OR7C1: variants seen among roughly 807,000 people sequenced by gnomAD.
The protein encoded by OR7C1 is olfactory receptor 7C1.
For synonymous variants in OR7C1, 152 were observed against 160.7 expected (o/e 0.95, Z 0.41); for missense variants, 324 against 383.3 (o/e 0.85, Z 1.29).
rs1481445102 is a variant in OR7C1, at chr19:14,827,778, T to G, written c.-623+7296A>C. On this transcript the variant is annotated intron_variant, in intron 1 of 4. Transcript: ENST00000641666. ...TACCATTAAGATTTGTAGCAAGGAA[T>G]ACAGAGCACTCATGGTCCAGGATGC... 1.2e-6 allele frequency: 2 copies of G among 1,614,118 alleles called. No individual in the cohort carries two copies. Among genetic ancestry groups the G allele is most frequent in the Admixed American group, 3.3e-5 (2 of 60,020 alleles).
intron 2 of OR7C1, among the ~76,000 whole-genome samples, chr19:14,809,046 T>C (rs2044678833): frequency 6.6e-6 from 1 of 152,044 alleles, no homozygotes; most frequent in Non-Finnish European, 1.5e-5. Flanking sequence ...TGGAACATGT[T>C]ATGTAAATGA....
At chr19:14,799,841 C>G in exon 5 of OR7C1, 2 of 1,614,006 alleles carry the variant, frequency 1.2e-6, no homozygotes, top group Admixed American at 1.7e-5. Flanking sequence ...AAAAATCTGA[C>G]TGAGACAGCC....
chr19:14,801,387 A>G (rs1467975492), intron 2 of OR7C1, among the ~76,000 whole-genome samples: 1 of 152,234 alleles, frequency 6.6e-6, no homozygotes, highest in Admixed American at 6.5e-5. Flanking sequence ...ATCATATGTT[A>G]CATTATTTTA....
intron 1 of OR7C1, among the ~76,000 whole-genome samples, chr19:14,822,335 C>T (rs11668969): frequency 0.27 from 39,774 of 148,450 alleles, 5,711 homozygotes; most frequent in East Asian, 0.55. Flanking sequence ...TACATGGGCT[C>T]CCTTTTCTCC....
intron 1 of OR7C1, among the ~76,000 whole-genome samples, chr19:14,816,483 C>T (rs1040748437): frequency 2.6e-5 from 4 of 152,170 alleles, no homozygotes; most frequent in African/African-American, 9.7e-5. Flanking sequence ...CGTCTTTCTC[C>T]CATGGTGAAT....
intron 1 of OR7C1, among the ~76,000 whole-genome samples, chr19:14,812,677 G>A (rs1201978123): frequency 1.3e-5 from 2 of 151,768 alleles, no homozygotes; most frequent in African/African-American, 2.4e-5. Context: ...TCACTATCTC[G>A]GTGTCTGAGG....
rs188048399 is a variant in OR7C1 at position 14,823,344 on chromosome 19, C to T, written c.-623+11730G>A. Among the ~76,000 whole-genome samples the T allele has an allele frequency of 3.9e-5, 6 of 151,988 alleles. No individual in the cohort carries two copies. The South Asian group carries it at 8.3e-4, about 21-fold the overall frequency. On this transcript the variant is annotated intron_variant, in intron 1 of 4. Transcript: ENST00000641666. ...GCATGTGCCTGTAATCCCAGCTACT[C>T]GGGAGGCTGAGGCAAAAGGATTGCT...
At chr19:14,802,530 A>C (rs1437744453) in intron 2 of OR7C1, among the ~76,000 whole-genome samples, 2 of 152,208 alleles carry the variant, frequency 1.3e-5, no homozygotes, top group Non-Finnish European at 2.9e-5. Context: ...CCAAATAATA[A>C]TTAAAGAAAG....
chr19:14,813,147 T>TA (rs1221111524), intron 1 of OR7C1, among the ~76,000 whole-genome samples: 1 of 150,746 alleles, frequency 6.6e-6, no homozygotes, highest in Non-Finnish European at 1.5e-5. Flanking sequence ...CAAACCAATA[T>TA]ACCATATGAA....
At chr19:14,803,911 G>A (rs1273831341) in intron 2 of OR7C1, among the ~76,000 whole-genome samples, 5 of 151,838 alleles carry the variant, frequency 3.3e-5, no homozygotes, top group East Asian at 1.9e-4. Flanking sequence ...GGGTTTCACC[G>A]TGTTAGCCAT....
In OR7C1 at chr19:14,818,971, A is replaced by G. The variant is rs1599919956; in HGVS notation, c.-622-8978T>C. Among the ~76,000 whole-genome samples the G allele has an allele frequency of 1.3e-5, 2 of 152,164 alleles. 1 individual carries two copies. Among genetic ancestry groups the G allele is most frequent in the African/African-American group, 4.8e-5 (2 of 41,496 alleles). ...TGTGCACAACACGCAGGTTGGTTAC[A>G]TATGTACACATGTGCCATGTTGGCG... is the stretch of plus-strand genomic sequence containing the variant. On this transcript the variant is annotated intron_variant, in intron 1 of 4. Transcript: ENST00000641666.
At chr19:14,832,971 T>G (rs544935158) in intron 1 of OR7C1, among the ~76,000 whole-genome samples, 1 of 152,346 alleles carries the variant, frequency 6.6e-6, no homozygotes, top group South Asian at 2.1e-4. Context: ...TAAAAAACTC[T>G]TGCACAGAGC....
At chr19:14,821,005 G>A (rs181058558) in intron 1 of OR7C1, among the ~76,000 whole-genome samples, 32 of 152,278 alleles carry the variant, frequency 2.1e-4, no homozygotes, top group African/African-American at 7.0e-4. Flanking sequence ...TGTAATCCCA[G>A]CACTTTGGGA....
intron 2 of OR7C1, among the ~76,000 whole-genome samples, chr19:14,803,878 T>G (rs1430027782): frequency 5.3e-5 from 8 of 151,796 alleles, no homozygotes; most frequent in Admixed American, 2.6e-4. Context: ...CCCAGCTAAT[T>G]TTTTGTATTT....
intron 2 of OR7C1, among the ~76,000 whole-genome samples, chr19:14,804,733 G>A (rs967561619): frequency 1.3e-5 from 2 of 151,970 alleles, no homozygotes; most frequent in African/African-American, 4.9e-5. Context: ...ACTGTAATGT[G>A]TAAGTGGTTT....
At chr19:14,827,349 T>C (rs374955481) in intron 1 of OR7C1, 25 of 1,601,408 alleles carry the variant, frequency 1.6e-5, no homozygotes, top group Non-Finnish European at 2.1e-5. Context: ...CAGAGCCCTC[T>C]TTATGTCTTT....
At chr19:14,819,536 T>C (rs2044731547) in intron 1 of OR7C1, among the ~76,000 whole-genome samples, 1 of 152,212 alleles carries the variant, frequency 6.6e-6, no homozygotes, top group African/African-American at 2.4e-5. Flanking sequence ...TTCCAGGGTG[T>C]ATATGTACTA....
chr19:14,807,907 C>T (rs940091167), intron 2 of OR7C1, among the ~76,000 whole-genome samples: 1 of 146,934 alleles, frequency 6.8e-6, no homozygotes, highest in Non-Finnish European at 1.5e-5. Context: ...AAAAAAAAAA[C>T]AAACAAACAG....
chr19:14,827,579 T>C (rs909114764), intron 1 of OR7C1: 7 of 1,614,148 alleles, frequency 4.3e-6, no homozygotes, highest in Middle Eastern at 1.6e-4. Context: ...TGGAAGAAAT[T>C]ATCTTAGAGT....
Sources: allele counts gnomAD v4.1 joint callset (sites outside exome capture counted in the v4.1 genomes callset), GRCh38; gene constraint gnomAD v4.1.1; transcripts MANE v1.5; gene names NCBI Gene and HGNC (gene_info 2026-07-23, HGNC 2026-07-21).